DNAH3: variants seen among roughly 807,000 people sequenced by gnomAD.
DNAH3 encodes the protein axonemal beta dynein heavy chain 3.
In DNAH3, 332 loss-of-function variants were observed where a neutral mutation model predicts 432.5. That is an observed-to-expected ratio of 0.77 (90% CI 0.70 to 0.84). The LOEUF (loss-of-function observed/expected upper bound fraction) is 0.84, where lower values mean the gene tolerates loss of function less well. Ranked by LOEUF, DNAH3 falls within the 40% of genes least tolerant of loss-of-function variation. The probability of loss-of-function intolerance (pLI) is 0.00; values close to 1 mark genes in which losing one functional copy is unlikely to be tolerated. For synonymous variants in DNAH3, 1,956 were observed against 1,900.2 expected (o/e 1.03, Z -0.76); for missense variants, 4,861 against 5,114.0 (o/e 0.95, Z 1.51).
intron 25 of DNAH3, 53 bp from the exon 26 acceptor site, chr16:21,060,409 G>T: frequency 7.2e-7 from 1 of 1,393,144 alleles, no homozygotes; most frequent in Non-Finnish European, 1.0e-6. Context: ...CCCAGAGGGA[G>T]GGAGAGTGGG....
At chr16:21,085,681 A>C (rs1240627594) in intron 19 of DNAH3, among the ~76,000 whole-genome samples, 1 of 152,068 alleles carries the variant, frequency 6.6e-6, no homozygotes, top group African/African-American at 2.4e-5. Flanking sequence ...TGACTCTCTC[A>C]TGTATTAAGA....
chr16:21,131,298 C>T (rs2092551708), intron 7 of DNAH3, among the ~76,000 whole-genome samples: 1 of 151,658 alleles, frequency 6.6e-6, no homozygotes, highest in African/African-American at 2.4e-5. Flanking sequence ...TGCACCACAC[C>T]CTGGGTGACA....
Position 21,001,553 on chromosome 16 carries a change from C to T in DNAH3, c.6127-1035G>A, listed in dbSNP as rs530324877. On this transcript the variant is annotated intron_variant, in intron 42 of 61. Coordinates refer to ENST00000261383, the Ensembl canonical transcript of DNAH3. ...TGGTAGAAAAAGGCTCAGCTTCTTT[C>T]TACAAGCAATTTGATCAAAGGAAAA... Among the ~76,000 whole-genome samples the T allele has an allele frequency of 1.8e-4, 27 of 152,228 alleles. No individual in the cohort carries two copies. In the South Asian group the frequency reaches 5.4e-3, roughly 30 times the overall value.
intron 13 of DNAH3, 73 bp from the exon 14 acceptor site, chr16:21,111,877 G>A: frequency 6.3e-7 from 1 of 1,575,086 alleles, no homozygotes; most frequent in Non-Finnish European, 8.7e-7. Context: ...CCTAACCCCT[G>A]GCCAACCCTA....
rs772138166 is a variant in DNAH3, at chr16:21,081,669, A to AT, written c.2935dup (p.Met979AsnfsTer11). On this transcript the variant is annotated frameshift_variant, in exon 20 of 62. Transcript: ENST00000261383. LOFTEE classifies it high-confidence loss of function. ...GAATTTGCCGAATCCAAATTCGAGC[A>AT]TATTTGAGAGGCAGGTCGTTTCGGT... 7.4e-6 allele frequency: 12 copies of AT among 1,613,716 alleles called. No individual in the cohort carries two copies. In the South Asian group the frequency reaches 1.3e-4, roughly 18 times the overall value.
chr16:21,131,240 G>C (rs2092550260), intron 7 of DNAH3, among the ~76,000 whole-genome samples: 2 of 152,072 alleles, frequency 1.3e-5, no homozygotes, highest in Admixed American at 6.6e-5. Flanking sequence ...GGGAGGCTGA[G>C]GAGAGAGCCC....
chr16:20,948,187 C>G (rs754352067), intron 57 of DNAH3, among the ~76,000 whole-genome samples: 1 of 152,204 alleles, frequency 6.6e-6, no homozygotes, highest in Non-Finnish European at 1.5e-5. Flanking sequence ...CTTCAAGTAG[C>G]AATTTCCATC....
chr16:21,140,630 C>G, exon 5 of DNAH3: 1 of 1,614,170 alleles, frequency 6.2e-7, no homozygotes. Flanking sequence ...ACTCATTGGT[C>G]TGCTTCCTGG....
intron 7 of DNAH3, among the ~76,000 whole-genome samples, chr16:21,132,794 C>G (rs2092584872): frequency 1.3e-5 from 2 of 152,170 alleles, no homozygotes; most frequent in Non-Finnish European, 2.9e-5. Flanking sequence ...AATGATAATA[C>G]TCTTGAATTA....
rs1343802207 is a variant in DNAH3 at position 21,081,747 on chromosome 16, G to C, written c.2878-20C>G. The C allele has an allele frequency of 6.2e-7, 1 of 1,607,476 alleles. No individual in the cohort carries two copies. The highest frequency in any genetic ancestry group is 8.5e-7 in the Non-Finnish European group (1 of 1,174,434). The stretch of plus-strand genomic sequence containing the variant: ...ACTGATCTGCAAAGAAAAGAGGAAA[G>C]CAAATGTTTGTTGTCCGAGGCAGTG... On this transcript the variant is annotated intron_variant, in intron 19 of 61. Coordinates refer to ENST00000261383, the Ensembl canonical transcript of DNAH3.
intron 41 of DNAH3, 101 bp downstream of exon 41, chr16:21,019,523 T>G: frequency 7.2e-7 from 1 of 1,382,562 alleles, no homozygotes; most frequent in Non-Finnish European, 9.9e-7. Context: ...TGGCCTTCTG[T>G]GGCTTTTGTA....
intron 24 of DNAH3, among the ~76,000 whole-genome samples, chr16:21,066,336 G>A (rs555501763): frequency 6.6e-6 from 1 of 152,014 alleles, no homozygotes; most frequent in South Asian, 2.1e-4. Context: ...GGAATGTCAG[G>A]AGTGAGAATT....
At chr16:21,084,288 T>G (rs985904351) in intron 19 of DNAH3, among the ~76,000 whole-genome samples, 1 of 152,010 alleles carries the variant, frequency 6.6e-6, no homozygotes, top group African/African-American at 2.4e-5. Flanking sequence ...AATATCATCA[T>G]TATTATTATG....
intron 50 of DNAH3, among the ~76,000 whole-genome samples, chr16:20,976,365 G>A (rs932025321): frequency 6.6e-6 from 1 of 151,768 alleles, no homozygotes; most frequent in African/African-American, 2.4e-5. Context: ...GCTAATTTTT[G>A]TATTTTTAGT....
chr16:20,950,498 AC>A (rs2152575349), intron 56 of DNAH3, among the ~76,000 whole-genome samples: 2 of 152,302 alleles, frequency 1.3e-5, no homozygotes, highest in Non-Finnish European at 2.9e-5. Flanking sequence ...CACAGTTAGA[AC>A]CACTCCTTTA....
chr16:21,088,089 G>A (rs1446334455), intron 18 of DNAH3, among the ~76,000 whole-genome samples: 1 of 152,022 alleles, frequency 6.6e-6, no homozygotes, highest in South Asian at 2.1e-4. Flanking sequence ...GCTATGTGAT[G>A]TTGCTAACTT....
At chr16:20,986,897 G>C (rs1803516255) in intron 47 of DNAH3, among the ~76,000 whole-genome samples, 1 of 152,148 alleles carries the variant, frequency 6.6e-6, no homozygotes, top group African/African-American at 2.4e-5. Context: ...TATGGAAATG[G>C]AAAAGAGAAA....
Position 21,051,827 on chromosome 16 carries a change from C to T in DNAH3, c.4081G>A (p.Asp1361Asn), listed in dbSNP as rs754537257. 35 of 1,613,984 alleles carry T rather than the reference C, an allele frequency of 2.2e-5. No homozygotes were observed. In the South Asian group the frequency reaches 2.6e-4, roughly 12 times the overall value. Residue 1361 changes from aspartate to asparagine, a missense_variant, in exon 29 of 62, where the codon GAT becomes AAT. Asp to Asn is a conservative substitution (Grantham distance 23). Transcript: ENST00000261383. Reference sequence around the variant, plus strand: ...GAGATCCATTGGAAATCATTCAGATCGGAGACCCTGTCCTCAGATAACTTG... The same window carrying T: ...GAGATCCATTGGAAATCATTCAGATTGGAGACCCTGTCCTCAGATAACTTG...
At chr16:21,153,775 C>T (rs1468203479) in intron 1 of DNAH3, among the ~76,000 whole-genome samples, 1 of 152,146 alleles carries the variant, frequency 6.6e-6, no homozygotes. Flanking sequence ...ACCGCGAGGG[C>T]CCACGGCTTC....
Sources: gnomAD v4.1 joint callset for allele counts (sites outside exome capture counted in the v4.1 genomes callset) on GRCh38, gnomAD v4.1.1 for gene constraint, MANE v1.5 for transcripts, NCBI Gene and HGNC (gene_info 2026-07-23, HGNC 2026-07-21) for gene names.